The following PDE1C variants were observed in gnomAD, a reference collection of about 807,000 sequenced individuals.
PDE1C encodes dual specificity calcium/calmodulin-dependent 3',5'-cyclic nucleotide phosphodiesterase 1C.
Under a neutral mutation model 93.1 loss-of-function variants are expected in PDE1C, and 62 were observed. The ratio of observed to expected loss-of-function variants is 0.67; its 90% CI spans 0.54 to 0.82. The LOEUF is 0.82. Among genes scored for constraint, PDE1C ranks in the 40% least tolerant of loss-of-function variants. The probability of loss-of-function intolerance (pLI) is 0.00; values close to 1 mark genes in which losing one functional copy is unlikely to be tolerated. For missense variants in PDE1C, 742 were observed against 884.6 expected (o/e 0.84, Z 2.04); for synonymous variants, 325 against 310.1 (o/e 1.05, Z -0.50).
At chr7:32,074,606 G>T (rs1157829776), upstream of PDE1C, among the ~76,000 whole-genome samples, 1 of 152,174 alleles carries the variant, frequency 6.6e-6, no homozygotes, top group Non-Finnish European at 1.5e-5. Context: ...TAGTAAAGAG[G>T]TATATAATAG....
At chr7:32,371,966 T>C (rs183759081) in intron 1 of PDE1C, among the ~76,000 whole-genome samples, 62 of 151,940 alleles carry the variant, frequency 4.1e-4, no homozygotes, top group Non-Finnish European at 7.2e-4. Context: ...ATCAAGACAG[T>C]GCAGTACAGA....
chr7:31,980,286 T>A (rs1311850664), intron 2 of PDE1C, among the ~76,000 whole-genome samples: 2 of 152,198 alleles, frequency 1.3e-5, no homozygotes, highest in Non-Finnish European at 2.9e-5. Flanking sequence ...AAGTAATTAT[T>A]TTTAGAATAA....
intron 3 of PDE1C, among the ~76,000 whole-genome samples, chr7:32,098,487 A>T (rs966408896): frequency 1.3e-5 from 2 of 152,062 alleles, no homozygotes; most frequent in African/African-American, 4.8e-5. Context: ...ATTTTATTTA[A>T]TCTCTATTTT....
chr7:32,341,173 C>CTATTTTTTATTTTTTT (rs796122014), intron 1 of PDE1C, among the ~76,000 whole-genome samples: 21 of 84,958 alleles, frequency 2.5e-4, no homozygotes, highest in African/African-American at 8.7e-4. Flanking sequence ...GAAATAAAGT[C>CTATTTTTTATTTTTTT]TTTTTTTTTT....
chr7:31,856,146 G>T (rs1793989332), intron 7 of PDE1C, among the ~76,000 whole-genome samples: 1 of 152,166 alleles, frequency 6.6e-6, no homozygotes, highest in African/African-American at 2.4e-5. Context: ...GGGTTGTTTT[G>T]ATTCTCTACG....
At chr7:31,864,606 T>C (rs1206062382) in intron 7 of PDE1C, among the ~76,000 whole-genome samples, 7 of 152,216 alleles carry the variant, frequency 4.6e-5, no homozygotes, top group Non-Finnish European at 2.9e-5. Context: ...TACATGAATA[T>C]CATTGTTATT....
chr7:32,203,787 C>T (rs1278469489), intron 2 of PDE1C, among the ~76,000 whole-genome samples: 1 of 152,178 alleles, frequency 6.6e-6, no homozygotes, highest in Non-Finnish European at 1.5e-5. Flanking sequence ...TAACTAAGCA[C>T]TTATCCTGTC....
intron 11 of PDE1C, among the ~76,000 whole-genome samples, chr7:31,836,667 G>A (rs948757048): frequency 3.9e-5 from 6 of 152,142 alleles, no homozygotes; most frequent in Non-Finnish European, 8.8e-5. Flanking sequence ...CACAACTCTG[G>A]AACTTAGGAT....
At chr7:31,658,354 A>C in the PDE1C span, 1 of 1,521,176 alleles carries the variant, frequency 6.6e-7, no homozygotes, top group African/African-American at 1.4e-5. Context: ...AATAAAATCA[A>C]AAGACTTTCT....
intron 7 of PDE1C, among the ~76,000 whole-genome samples, chr7:31,855,246 C>A (rs1793868458): frequency 6.6e-6 from 1 of 152,040 alleles, no homozygotes; most frequent in South Asian, 2.1e-4. Context: ...GTATTCAGGG[C>A]ATTGGCAGAA....
chr7:32,129,320 T>TCATGAGG lies in PDE1C; in HGVS notation c.308+40464_308+40465insCCTCATG, dbSNP rs1554509982. Among the ~76,000 whole-genome samples, 57 of 148,694 alleles carry TCATGAGG rather than the reference T, an allele frequency of 3.8e-4. 1 individual carries two copies. Among genetic ancestry groups the TCATGAGG allele is most frequent in the African/African-American group, 7.9e-4 (31 of 39,166 alleles). ...GGCAGAGTAATCCCACTTTTATTTG[T>TCATGAGG]TTTTGAGAAAACATACACAAATAGT... On this transcript the variant is annotated intron_variant, in intron 3 of 18. Coordinates refer to the PDE1C transcript ENST00000396193.
intron 1 of PDE1C, among the ~76,000 whole-genome samples, chr7:32,420,912 G>A (rs879777202): frequency 2.6e-5 from 4 of 152,010 alleles, no homozygotes; most frequent in Non-Finnish European, 4.4e-5. Flanking sequence ...AATCAAATCA[G>A]TGTCTGATGT....
chr7:31,646,191 G>T, the PDE1C span, among the ~76,000 whole-genome samples: 3 of 152,142 alleles, frequency 2.0e-5, no homozygotes, highest in Non-Finnish European at 4.4e-5. Flanking sequence ...CAAAACTCCA[G>T]GAGAAATGGT....
In PDE1C at chr7:31,899,971, CACAGG is replaced by C. The variant is rs149165423; in HGVS notation, c.129-19116_129-19112del. ...GGATGCTGCTAAACATTCCACAATA[CACAGG>C]ACAGCCCCACAGCAAAAAATTATCT... On this transcript the variant is annotated intron_variant, in intron 2 of 17. Coordinates refer to ENST00000396191, the MANE Select transcript of PDE1C (RefSeq NM_001191057.4). 9.8e-3 allele frequency among the ~76,000 whole-genome samples: 1,496 copies of C among 152,304 alleles called. 12 individuals carry two copies. Among genetic ancestry groups the C allele is most frequent in the South Asian group, 0.03 (146 of 4,828 alleles).
chr7:32,426,338 A>T (rs1277380795), intron 1 of PDE1C, among the ~76,000 whole-genome samples: 1 of 149,106 alleles, frequency 6.7e-6, no homozygotes, highest in Admixed American at 6.7e-5. Context: ...CAATGGCATG[A>T]TCTCAGCTCA....
chr7:31,751,357 ACAGATTT>A lies in PDE1C; in HGVS notation c.*2020_*2026del, dbSNP rs1794130645. The A allele has an allele frequency of 6.6e-6, 1 of 152,216 alleles. No individual in the cohort carries two copies. The highest frequency in any genetic ancestry group is 2.1e-4 in the South Asian group (1 of 4,836). The allele number at this position is 152,216 out of a possible 1,614,324, so 9.4% of individuals were successfully genotyped here. A position where few individuals can be genotyped will look rare whatever the true frequency, so the allele number is the denominator to read the frequency against. On this transcript the variant is annotated 3_prime_UTR_variant, in exon 18 of 18. Transcript: ENST00000396191. Reference sequence around the variant, plus strand: ...AACTCACATCTTAGGAGAAAAGAATACAGATTTGTTCCCCAGGAACATGGCTTCCAAC... The same window carrying A: ...AACTCACATCTTAGGAGAAAAGAATAGTTCCCCAGGAACATGGCTTCCAAC...
intron 1 of PDE1C, among the ~76,000 whole-genome samples, chr7:32,057,892 G>A (rs1039227672): frequency 6.6e-6 from 1 of 152,158 alleles, no homozygotes; most frequent in Non-Finnish European, 1.5e-5. Flanking sequence ...CTGGATAAGT[G>A]AGAGTCGATT....
chr7:32,399,102 A>G (rs1263623074), intron 1 of PDE1C, among the ~76,000 whole-genome samples: 1 of 152,208 alleles, frequency 6.6e-6, no homozygotes, highest in Non-Finnish European at 1.5e-5. Context: ...CTATGTCACT[A>G]TTAGCAAGCT....
At chr7:32,223,128 T>C (rs1806996122) in intron 1 of PDE1C, among the ~76,000 whole-genome samples, 1 of 152,242 alleles carries the variant, frequency 6.6e-6, no homozygotes, top group African/African-American at 2.4e-5. Context: ...AGTGTTCAAA[T>C]CACTGCCTCC....
Sources: allele counts gnomAD v4.1 joint callset (sites outside exome capture counted in the v4.1 genomes callset), GRCh38; gene constraint gnomAD v4.1.1; transcripts MANE v1.5; gene names NCBI Gene and HGNC (gene_info 2026-07-23, HGNC 2026-07-21).